Variants in LMNTD1 observed in about 807,000 individuals in gnomAD.
LMNTD1 encodes the protein lamin tail domain containing 1, also known as lamin tail domain-containing protein 1.
In LMNTD1, 35 loss-of-function variants were observed where a neutral mutation model predicts 50.9. The ratio of observed to expected loss-of-function variants is 0.69; its 90% CI spans 0.53 to 0.91. The LOEUF (loss-of-function observed/expected upper bound fraction) is 0.91. Among genes scored for constraint, LMNTD1 ranks in the 40% least tolerant of loss-of-function variants. LMNTD1 has a pLI of 0.00. For synonymous variants in LMNTD1, 153 were observed against 161.9 expected, an observed-to-expected ratio of 0.94 and a Z score of 0.42; for missense variants, 470 against 475.5, an observed-to-expected ratio of 0.99 and a Z score of 0.11.
At chr12:25,634,743 G>A (rs775518651) in intron 1 of LMNTD1, among the ~76,000 whole-genome samples, 1 of 152,016 alleles carries the variant, frequency 6.6e-6, no homozygotes, top group Admixed American at 6.6e-5. Flanking sequence ...CTGAGTACTG[G>A]CACAAAACAA....
intron 1 of LMNTD1, among the ~76,000 whole-genome samples, chr12:25,560,117 G>C (rs190190685): frequency 3.2e-4 from 48 of 152,166 alleles, no homozygotes; most frequent in Admixed American, 5.2e-4. Context: ...AGTCCTTGCC[G>C]ATGCCTATGT....
At chr12:25,582,496 G>A (rs944056678) in intron 1 of LMNTD1, 1 of 152,176 alleles carries the variant, frequency 6.6e-6, no homozygotes, top group Non-Finnish European at 1.5e-5. Context: ...CTTAGATCAT[G>A]AGAAAAGTGG....
At chr12:25,631,479 T>G (rs1285486065) in intron 1 of LMNTD1, among the ~76,000 whole-genome samples, 1 of 152,198 alleles carries the variant, frequency 6.6e-6, no homozygotes, top group Non-Finnish European at 1.5e-5. Context: ...CAGGACTCTG[T>G]GCAGACAACC....
intron 4 of LMNTD1, among the ~76,000 whole-genome samples, chr12:25,529,341 A>G (rs1279406164): frequency 6.6e-6 from 1 of 152,156 alleles, no homozygotes; most frequent in Non-Finnish European, 1.5e-5. Flanking sequence ...CTAAAACTAA[A>G]TCTTTTGCCT....
rs180797270 is a variant in LMNTD1, at chr12:25,626,341, T to C, written c.58+22153A>G. 4.0e-3 allele frequency among the ~76,000 whole-genome samples: 596 copies of C among 150,418 alleles called. 7 individuals are homozygous for C. Among genetic ancestry groups the C allele is most frequent in the Admixed American group, 8.8e-3 (134 of 15,174 alleles). On this transcript the variant is annotated intron_variant, in intron 1 of 7. Coordinates refer to the LMNTD1 transcript ENST00000445693. The stretch of plus-strand genomic sequence containing the variant: ...TTTGTTGTATGTGTGTATATATATA[T>C]ACACACACACACACATATATATACA...
chr12:25,595,936 G>T (rs1945835140), intron 1 of LMNTD1, among the ~76,000 whole-genome samples: 1 of 151,976 alleles, frequency 6.6e-6, no homozygotes, highest in African/African-American at 2.4e-5. Context: ...AAATACAAAA[G>T]ATCATTCAAG....
intron 8 of LMNTD1, among the ~76,000 whole-genome samples, chr12:25,508,788 T>C (rs1940023376): frequency 6.6e-6 from 1 of 152,112 alleles, no homozygotes. Flanking sequence ...CAAGGAAAAA[T>C]CTTTCGCCAC....
chr12:25,526,088 C>T lies in LMNTD1; in HGVS notation c.798+11G>A. 3 of 1,548,126 alleles carry T rather than the reference C, an allele frequency of 1.9e-6. No homozygotes were observed. The highest frequency in any genetic ancestry group is 2.6e-6 in the Non-Finnish European group (3 of 1,153,060). On this transcript the variant is annotated intron_variant, in intron 6 of 9. Transcript: ENST00000458174. ...AAAAAAAAAAACGATTGTTAAGAAC[C>T]AGAAACTAACTTGACCGTTCGGTTT...
intron 4 of LMNTD1, among the ~76,000 whole-genome samples, chr12:25,541,399 C>T (rs928424112): frequency 6.8e-6 from 1 of 146,668 alleles, no homozygotes; most frequent in East Asian, 2.0e-4. Context: ...CAGAACAGAG[C>T]CCTCAGAAAT....
intron 1 of LMNTD1, among the ~76,000 whole-genome samples, chr12:25,625,048 A>G (rs986525210): frequency 5.9e-5 from 9 of 152,210 alleles, no homozygotes; most frequent in Non-Finnish European, 1.0e-4. Flanking sequence ...ATTCACACAT[A>G]TACCAGACAC....
At chr12:25,507,049 T>C (rs905356793) in intron 8 of LMNTD1, among the ~76,000 whole-genome samples, 1 of 152,078 alleles carries the variant, frequency 6.6e-6, no homozygotes, top group African/African-American at 2.4e-5. Flanking sequence ...GCTAATTTTG[T>C]ATTTTTAGTA....
intron 1 of LMNTD1, among the ~76,000 whole-genome samples, chr12:25,572,156 G>A (rs1324244208): frequency 6.6e-6 from 1 of 152,122 alleles, no homozygotes; most frequent in Non-Finnish European, 1.5e-5. Flanking sequence ...GTAAAATGGG[G>A]ATAGAAAGAG....
chr12:25,520,131 T>C, intron 6 of LMNTD1, 56 bp from the exon 7 acceptor site: 1 of 530,836 alleles, frequency 1.9e-6, no homozygotes, highest in East Asian at 4.0e-5. Context: ...TACAACATGC[T>C]GTTATGAGAT....
intron 2 of LMNTD1, among the ~76,000 whole-genome samples, chr12:25,551,322 A>G (rs1365929865): frequency 1.3e-5 from 2 of 152,218 alleles, no homozygotes; most frequent in African/African-American, 4.8e-5. Context: ...AATCTTTGCA[A>G]TCACAGAAAC....
chr12:25,606,052 C>T (rs1227906475), intron 1 of LMNTD1, among the ~76,000 whole-genome samples: 2 of 152,080 alleles, frequency 1.3e-5, no homozygotes, highest in Non-Finnish European at 1.5e-5. Flanking sequence ...CCTTCACATC[C>T]CTTGTAAGTT....
intron 4 of LMNTD1, among the ~76,000 whole-genome samples, 174 bp downstream of exon 4, chr12:25,546,200 C>T (rs1013093771): frequency 2.6e-5 from 4 of 151,486 alleles, no homozygotes; most frequent in African/African-American, 9.7e-5. Context: ...GTTCTTTAGA[C>T]CATTATATCA....
chr12:25,533,774 TACG>T, intron 4 of LMNTD1, among the ~76,000 whole-genome samples: 1 of 152,352 alleles, frequency 6.6e-6, no homozygotes, highest in Middle Eastern at 3.4e-3. Context: ...TGTACATCAC[TACG>T]ACAAGGTTCT....
chr12:25,573,147 T>A (rs1944863643), intron 1 of LMNTD1, among the ~76,000 whole-genome samples: 1 of 152,150 alleles, frequency 6.6e-6, no homozygotes, highest in South Asian at 2.1e-4. Context: ...ATCTGGTCAG[T>A]CCTTGGCCTT....
At chr12:25,519,783 T>C in intron 7 of LMNTD1, 75 bp downstream of exon 7, 1 of 925,930 alleles carries the variant, frequency 1.1e-6, no homozygotes, top group South Asian at 1.5e-5. Context: ...CCATTTGTCA[T>C]CTAGTCGTTC....
Sources: gnomAD v4.1 joint callset for allele counts (sites outside exome capture counted in the v4.1 genomes callset) on GRCh38, gnomAD v4.1.1 for gene constraint, MANE v1.5 for transcripts, NCBI Gene and HGNC (gene_info 2026-07-23, HGNC 2026-07-21) for gene names.